DTHD1: variants seen among roughly 807,000 people sequenced by gnomAD.
The protein encoded by DTHD1 is death domain containing 1, also known as death domain-containing protein 1.
Under a neutral mutation model 74.8 loss-of-function variants are expected in DTHD1, and 59 were observed. That is an observed-to-expected ratio of 0.79 (90% confidence interval 0.64 to 0.98). The LOEUF is 0.98. Ranked by LOEUF, DTHD1 falls within the 50% of genes least tolerant of loss-of-function variation. The pLI is 0.00. For synonymous variants in DTHD1, 365 were observed against 371.1 expected (o/e 0.98, Z 0.19); for missense variants, 1,051 against 1,065.4 (o/e 0.99, Z 0.19).
At chr4:36,300,663 C>A (rs1756711170) in intron 5 of DTHD1, among the ~76,000 whole-genome samples, 1 of 78,690 alleles carries the variant, frequency 1.3e-5, no homozygotes, top group Non-Finnish European at 2.7e-5. Flanking sequence ...ATTTATAATT[C>A]TGGAATTTGT....
chr4:36,327,271 A>AT (rs1205440165), intron 8 of DTHD1, among the ~76,000 whole-genome samples: 1 of 152,108 alleles, frequency 6.6e-6, no homozygotes, highest in Non-Finnish European at 1.5e-5. Context: ...CTGGCCCAGG[A>AT]TTTTTTTAAA....
chr4:36,313,438 T>C (rs1158625315), intron 7 of DTHD1, among the ~76,000 whole-genome samples: 1 of 146,216 alleles, frequency 6.8e-6, no homozygotes, highest in Admixed American at 6.9e-5. Context: ...AAAAACAGAG[T>C]AGTGCAGTTT....
At chr4:36,286,074 G>A (rs1167311016) in intron 2 of DTHD1, among the ~76,000 whole-genome samples, 1 of 152,138 alleles carries the variant, frequency 6.6e-6, no homozygotes, top group African/African-American at 2.4e-5. Flanking sequence ...TGAAGAGGTG[G>A]TTCTAATTTG....
intron 9 of DTHD1, 45 bp from the exon 10 acceptor site, chr4:36,343,457 C>T (rs923836284): frequency 3.0e-5 from 46 of 1,512,744 alleles, no homozygotes; most frequent in Non-Finnish European, 4.1e-5. Flanking sequence ...CATGCATCCC[C>T]CAGGAGAGGG....
At chr4:36,307,978 G>A (rs1387553441) in intron 6 of DTHD1, among the ~76,000 whole-genome samples, 1 of 152,156 alleles carries the variant, frequency 6.6e-6, no homozygotes, top group Non-Finnish European at 1.5e-5. Flanking sequence ...CCAAAGTGCT[G>A]GGACGCCTCC....
rs1756224761 is a variant in DTHD1 at position 36,293,686 on chromosome 4, C to T, written c.1379C>T (p.Pro460Leu). 1 of 1,529,326 alleles carries T rather than the reference C, an allele frequency of 6.5e-7. No homozygotes were observed. The highest frequency in any genetic ancestry group is 1.2e-5 in the South Asian group (1 of 80,946). The allele number at this position is 1,529,326 out of a possible 1,614,324, so 94.7% of individuals were successfully genotyped here. A position where few individuals can be genotyped will look rare whatever the true frequency, so the allele number is the denominator to read the frequency against. The change falls in exon 4 of 10, where the codon CCA (proline) becomes CTA (leucine). Residue 460 changes from proline to leucine, a missense_variant. Transcript: ENST00000639862. ...TACCCTCCAGGAGTTTTTACCTCTC[C>T]AGTGCTGGTGCAGTTAAAGGTAAAC... ...LNYPPGVFTS[P>L]VLVQLKIQPV...
chr4:36,286,502 G>A lies in DTHD1; in HGVS notation c.887+1911G>A, dbSNP rs556709635. 5.3e-5 allele frequency among the ~76,000 whole-genome samples: 8 copies of A among 152,222 alleles called. No individual in the cohort carries two copies. The East Asian group carries it at 5.8e-4, about 11-fold the overall frequency. ...CTCAGAATGTGTTGTCAATTCCCCC[G>A]TATAGCTTTCTGAAAGCAACCTATC... is the stretch of plus-strand genomic sequence containing the variant. On this transcript the variant is annotated intron_variant, in intron 2 of 9. Transcript: ENST00000639862.
At chr4:36,316,038 C>T (rs1448531637) in intron 7 of DTHD1, among the ~76,000 whole-genome samples, 1 of 152,198 alleles carries the variant, frequency 6.6e-6, no homozygotes, top group East Asian at 1.9e-4. Context: ...TGGGTTCACG[C>T]CATTCTCCTG....
At position 36,298,044 on chromosome 4, in the gene DTHD1, C is replaced by CT. The variant is rs546205192; in HGVS notation, c.1643+3014dup. Among the ~76,000 whole-genome samples, 954 of 150,970 alleles carry CT rather than the reference C, an allele frequency of 6.3e-3. 5 individuals carry two copies. The highest frequency in any genetic ancestry group is 0.027 in the Middle Eastern group (8 of 292). Reference sequence around the variant, plus strand: ...TTGGCCAAGTTGCTAGAATAAGCCACTTTTTTTTTGCCTTTGTACATAATC... The same window carrying CT: ...TTGGCCAAGTTGCTAGAATAAGCCACTTTTTTTTTTGCCTTTGTACATAATC... On this transcript the variant is annotated intron_variant, in intron 5 of 9. Transcript: ENST00000639862.
intron 8 of DTHD1, among the ~76,000 whole-genome samples, chr4:36,331,992 G>A (rs1034334588): frequency 1.3e-5 from 2 of 151,970 alleles, no homozygotes; most frequent in African/African-American, 2.4e-5. Flanking sequence ...TTAAAAATAC[G>A]GCATTCTGGC....
Position 36,284,501 on chromosome 4 carries a change from T to C in DTHD1, c.797T>C (p.Ile266Thr). 6.5e-7 allele frequency: 1 copy of C among 1,536,668 alleles called. No individual in the cohort carries two copies. Among genetic ancestry groups the C allele is most frequent in the South Asian group, 1.2e-5 (1 of 83,976 alleles). ...SPREEMTTSS[I>T]ICDISKKYIN... ...AGAGAAGAGATGACCACATCCTCAA[T>C]AATATGTGATATCTCCAAGAAATAT... The change falls in exon 2 of 10, where the codon ATA (isoleucine) becomes ACA (threonine). Residue 266 changes from isoleucine to threonine, a missense_variant. Coordinates refer to ENST00000639862, the MANE Select transcript of DTHD1 (RefSeq NM_001170700.3).
intron 7 of DTHD1, among the ~76,000 whole-genome samples, chr4:36,314,069 G>GTTTTTTTTTTTTTTTTTT (rs375245524): frequency 7.2e-6 from 1 of 138,992 alleles, no homozygotes; most frequent in Non-Finnish European, 1.6e-5. Flanking sequence ...CTAGGAATCT[G>GTTTTTTTTTTTTTTTTTT]TTTTTTTTTT....
At chr4:36,291,086 A>C (rs1756048510) in intron 3 of DTHD1, among the ~76,000 whole-genome samples, 1 of 152,242 alleles carries the variant, frequency 6.6e-6, no homozygotes, top group African/African-American at 2.4e-5. Context: ...AATTTTTATT[A>C]TCCACGGGTT....
intron 8 of DTHD1, among the ~76,000 whole-genome samples, chr4:36,326,540 C>T (rs1348266824): frequency 3.3e-5 from 5 of 152,158 alleles, no homozygotes; most frequent in African/African-American, 2.4e-5. Context: ...AATGGCAACA[C>T]TCCTAACATT....
chr4:36,309,789 A>C (rs909053247), intron 7 of DTHD1, among the ~76,000 whole-genome samples: 2 of 152,158 alleles, frequency 1.3e-5, no homozygotes, highest in Non-Finnish European at 2.9e-5. Flanking sequence ...TGACAAATAA[A>C]CTATCATCCT....
chr4:36,325,621 C>G (rs1758298429), intron 8 of DTHD1, among the ~76,000 whole-genome samples: 1 of 152,160 alleles, frequency 6.6e-6, no homozygotes, highest in South Asian at 2.1e-4. Context: ...GATTTGAGAT[C>G]AACAGGTCTT....
intron 8 of DTHD1, among the ~76,000 whole-genome samples, chr4:36,334,236 AAT>A (rs1758865541): frequency 6.6e-6 from 1 of 152,100 alleles, no homozygotes; most frequent in Non-Finnish European, 1.5e-5. Flanking sequence ...GCTTATTCCA[AAT>A]GTGGCCTTAT....
At chr4:36,307,505 T>A (rs937014005) in intron 6 of DTHD1, among the ~76,000 whole-genome samples, 5 of 152,224 alleles carry the variant, frequency 3.3e-5, no homozygotes, top group African/African-American at 1.2e-4. Flanking sequence ...TGTAAAGTCC[T>A]TATCTCCAAA....
At chr4:36,314,393 C>T (rs1365456229) in intron 7 of DTHD1, among the ~76,000 whole-genome samples, 1 of 151,884 alleles carries the variant, frequency 6.6e-6, no homozygotes, top group Non-Finnish European at 1.5e-5. Context: ...TAAATCTTGG[C>T]CAGGTGCGGT....
Sources: gnomAD v4.1 joint callset for allele counts (sites outside exome capture counted in the v4.1 genomes callset) on GRCh38, gnomAD v4.1.1 for gene constraint, MANE v1.5 for transcripts, NCBI Gene and HGNC (gene_info 2026-07-23, HGNC 2026-07-21) for gene names.